DOCK1: variants seen among roughly 807,000 people sequenced by gnomAD.
The protein encoded by DOCK1 is dedicator of cytokinesis 1, also known as dedicator of cytokinesis protein 1.
In DOCK1, 138 loss-of-function variants were observed where a neutral mutation model predicts 262.7. The observed-to-expected ratio is 0.53, with a 90% CI of 0.46 to 0.61. The LOEUF is 0.61. Among genes scored for constraint, DOCK1 ranks in the 20% least tolerant of loss-of-function variants. The probability of loss-of-function intolerance (pLI) is 0.00; values close to 1 mark genes in which losing one functional copy is unlikely to be tolerated. For missense variants in DOCK1, 1,908 were observed against 2,370.7 expected (o/e 0.80, Z 4.05); for synonymous variants, 866 against 867.4 (o/e 1.00, Z 0.03).
chr10:126,938,129 C>T (rs2034682584), intron 1 of DOCK1, among the ~76,000 whole-genome samples: 1 of 151,968 alleles, frequency 6.6e-6, no homozygotes, highest in Non-Finnish European at 1.5e-5. Flanking sequence ...TCACCACAAC[C>T]TCTGCCTCCT....
rs183475576 is a variant in DOCK1, at chr10:127,051,247, T to G, written c.2202-1434T>G. Among the ~76,000 whole-genome samples the G allele has an allele frequency of 5.9e-5, 9 of 152,160 alleles. No individual in the cohort carries two copies. In the East Asian group the frequency reaches 1.5e-3, roughly 26 times the overall value. ...CAGACTAAGAGTATAGTAGTCATTG[T>G]GTTTTTAAAACTAAATGTTTTTGGG... On this transcript the variant is annotated intron_variant, in intron 21 of 51. Transcript: ENST00000623213.
At chr10:127,433,055 C>CT (rs2069409990) in intron 47 of DOCK1, among the ~76,000 whole-genome samples, 1 of 152,172 alleles carries the variant, frequency 6.6e-6, no homozygotes, top group South Asian at 2.1e-4. Flanking sequence ...TATTAAAAGG[C>CT]TAAGAAGGTT....
intron 27 of DOCK1, among the ~76,000 whole-genome samples, chr10:127,240,261 A>G (rs566037520): frequency 3.3e-5 from 3 of 91,060 alleles, no homozygotes; most frequent in South Asian, 1.0e-3. Flanking sequence ...TCTGTTTTAT[A>G]TAGTTTTGGC....
intron 29 of DOCK1, 83 bp downstream of exon 29, chr10:127,257,512 A>G: frequency 2.3e-6 from 3 of 1,296,278 alleles, no homozygotes; most frequent in Non-Finnish European, 3.2e-6. Context: ...CCTGGAGACC[A>G]AGCTGGCTTC....
chr10:127,367,951 C>G lies in DOCK1; in HGVS notation c.3432+5739C>G, dbSNP rs149692580. On this transcript the variant is annotated intron_variant, in intron 33 of 51. Coordinates refer to ENST00000623213, the MANE Select transcript of DOCK1 (RefSeq NM_001290223.2). ...GTGGATGCCCACTGCAGCCATGCCC[C>G]TGGGGTGGCCCCCAGCCCTGTGGCC... is the stretch of plus-strand genomic sequence containing the variant. Among the ~76,000 whole-genome samples, 859 of 152,326 alleles carry G rather than the reference C, an allele frequency of 5.6e-3. 7 individuals are homozygous for G. Among genetic ancestry groups the G allele is most frequent in the African/African-American group, 0.019 (795 of 41,580 alleles).
At chr10:127,268,975 A>G in intron 29 of DOCK1, among the ~76,000 whole-genome samples, 1 of 152,170 alleles carries the variant, frequency 6.6e-6, no homozygotes, top group East Asian at 1.9e-4. Flanking sequence ...GAGTAGCCAC[A>G]GGCCTTTCCT....
intron 32 of DOCK1, among the ~76,000 whole-genome samples, chr10:127,357,488 C>G (rs2064203206): frequency 6.6e-6 from 1 of 152,174 alleles, no homozygotes; most frequent in East Asian, 1.9e-4. Flanking sequence ...TTGACGTTAT[C>G]TGTCATGCTC....
At chr10:126,973,812 C>A (rs1213598353) in intron 2 of DOCK1, among the ~76,000 whole-genome samples, 1 of 152,080 alleles carries the variant, frequency 6.6e-6, no homozygotes, top group African/African-American at 2.4e-5. Flanking sequence ...TAGAGTCTGG[C>A]ATTTTCTTTT....
At chr10:127,166,932 G>A (rs1484926503) in intron 27 of DOCK1, among the ~76,000 whole-genome samples, 1 of 152,052 alleles carries the variant, frequency 6.6e-6, no homozygotes, top group Non-Finnish European at 1.5e-5. Context: ...TTAAAAGGCT[G>A]AGGAGGTATT....
chr10:127,255,456 T>C (rs985062916), intron 28 of DOCK1, among the ~76,000 whole-genome samples: 1 of 152,294 alleles, frequency 6.6e-6, no homozygotes, highest in East Asian at 1.9e-4. Context: ...CATTGAATGA[T>C]GAAATTTTCA....
chr10:127,410,607 T>C (rs1036567055), intron 42 of DOCK1, among the ~76,000 whole-genome samples: 2 of 152,228 alleles, frequency 1.3e-5, no homozygotes, highest in African/African-American at 4.8e-5. Flanking sequence ...TTACTCAGCT[T>C]CTGTTTTCCC....
chr10:127,423,187 T>C (rs1590993878), intron 46 of DOCK1, among the ~76,000 whole-genome samples: 2 of 152,230 alleles, frequency 1.3e-5, no homozygotes, highest in Non-Finnish European at 2.9e-5. Flanking sequence ...AGTTTGAATT[T>C]ATCAGAATGC....
chr10:127,153,841 T>C (rs1243393131), intron 27 of DOCK1: 1 of 1,598,874 alleles, frequency 6.3e-7, no homozygotes, highest in Non-Finnish European at 8.6e-7. Flanking sequence ...AAGAGGAGAA[T>C]GTTAACATAC....
intron 31 of DOCK1, among the ~76,000 whole-genome samples, chr10:127,351,757 C>T (rs921189045): frequency 6.6e-6 from 1 of 152,030 alleles, no homozygotes; most frequent in Non-Finnish European, 1.5e-5. Context: ...TTGGGAAGCC[C>T]CCTTGAGGTC....
intron 31 of DOCK1, among the ~76,000 whole-genome samples, chr10:127,347,746 G>T (rs937153480): frequency 2.0e-5 from 3 of 151,052 alleles, no homozygotes; most frequent in African/African-American, 7.3e-5. Flanking sequence ...AGTAGGCTCA[G>T]CACTGCCTCC....
chr10:127,330,514 A>C (rs567877488), intron 29 of DOCK1, among the ~76,000 whole-genome samples: 5 of 152,348 alleles, frequency 3.3e-5, no homozygotes, highest in Admixed American at 2.6e-4. Context: ...CACTATGGAA[A>C]ATAGTAGGAT....
At chr10:127,209,512 C>T (rs1407342779) in intron 27 of DOCK1, among the ~76,000 whole-genome samples, 3 of 152,134 alleles carry the variant, frequency 2.0e-5, no homozygotes, top group Non-Finnish European at 4.4e-5. Context: ...GGTGAGGGCC[C>T]ATCTCATCCT....
In DOCK1 at chr10:127,023,308, A is replaced by T. The variant is rs1204850631; in HGVS notation, c.1436A>T (p.Asp479Val). Reference sequence around the variant, plus strand: ...GTCACGGTGTCTGTGTACGATGAGGATGGGAAACGATTAGAGGTATTTATT... The same window carrying T: ...GTCACGGTGTCTGTGTACGATGAGGTTGGGAAACGATTAGAGGTATTTATT... ...VEVTVSVYDEDGKRLEHVIFP... is the reference protein window; with the variant it reads ...VEVTVSVYDEVGKRLEHVIFP... Residue 479 changes from aspartate (D) to valine (V), a missense_variant, in exon 14 of 52, where the codon GAT (aspartate) becomes GTT (valine). By Grantham distance (152) the Asp-to-Val change is radical. Around this residue, in one of 9 missense-constraint regions of DOCK1, gnomAD observed 294 missense variants for 439.9 expected, o/e 0.67. Transcript: ENST00000623213. 1.9e-6 allele frequency: 3 copies of T among 1,613,736 alleles called. No homozygotes were observed. The Admixed American group carries it at 5.0e-5, about 27-fold the overall frequency.
At chr10:127,302,751 T>TGTGTGG (rs1326436100) in intron 29 of DOCK1, among the ~76,000 whole-genome samples, 1 of 145,034 alleles carries the variant, frequency 6.9e-6, no homozygotes, top group Non-Finnish European at 1.5e-5. Context: ...GGTGTGTGTG[T>TGTGTGG]GTGTGTGTGT....
Sources: gnomAD v4.1 joint callset for allele counts (sites outside exome capture counted in the v4.1 genomes callset) on GRCh38, gnomAD v4.1.1 for gene constraint, gnomAD v4.1.1 regional missense constraint, MANE v1.5 for transcripts, NCBI Gene and HGNC (gene_info 2026-07-23, HGNC 2026-07-21) for gene names.